KIR3DL1: variants seen among roughly 807,000 people sequenced by gnomAD.
KIR3DL1 encodes the protein killer cell immunoglobulin-like receptor 3DL1.
A neutral mutation model predicts 40.3 loss-of-function variants in KIR3DL1; 50 were observed. The observed-to-expected ratio is 1.24, with a 90% CI of 0.99 to 1.57. KIR3DL1 has a LOEUF of 1.57. KIR3DL1 is among the 40% of genes most tolerant of loss of function. The probability of loss-of-function intolerance (pLI) is 0.00; values close to 1 mark genes in which losing one functional copy is unlikely to be tolerated. For missense variants in KIR3DL1, 661 were observed against 559.9 expected (o/e 1.18, Z -1.82); for synonymous variants, 257 against 207.2 (o/e 1.24, Z -2.07).
At position 54,827,698 on chromosome 19, in the gene KIR3DL1, A is replaced by G. The variant is rs574983214; in HGVS notation, c.1001-1663A>G. Among the ~76,000 whole-genome samples the G allele has an allele frequency of 2.5e-4, 38 of 150,694 alleles. 1 individual carries two copies. The highest frequency in any genetic ancestry group is 8.6e-4 in the African/African-American group (35 of 40,492). On this transcript the variant is annotated intron_variant, in intron 6 of 8. Transcript: ENST00000391728. ...CCTGAATTCCCATCATCATTTTTCTATTTCTCTATAATTACTTCTTTGATC... is the reference window on the plus strand; with the variant it reads ...CCTGAATTCCCATCATCATTTTTCTGTTTCTCTATAATTACTTCTTTGATC...
intron 3 of KIR3DL1, 133 bp downstream of exon 3, chr19:54,818,732 G>C (rs72626297): frequency 0.21 from 244,184 of 1,157,812 alleles, 26,873 homozygotes; most frequent in South Asian, 0.3. Flanking sequence ...GAATACAGGG[G>C]AAATGGGTGC....
Position 54,819,898 on chromosome 19 carries a change from T to C in KIR3DL1, c.541T>C (p.Ser181Pro). Residue 181 changes from serine (S) to proline (P), a missense_variant, in exon 4 of 9, where the codon TCC becomes CCC. By Grantham distance (74) the Ser-to-Pro change is moderately conservative. This residue lies in a region of KIR3DL1 where 548 missense variants were observed against 413.3 expected (regional missense o/e 1.33). Coordinates refer to ENST00000391728, the Ensembl canonical transcript of KIR3DL1. ...TGATGGGGTCTCCAAGGCCAATTTC[T>C]CCATCGGTCCCATGATGCTTGCCCT... The C allele has an allele frequency of 2.5e-6, 4 of 1,612,184 alleles. 1 individual carries two copies. Among genetic ancestry groups the C allele is most frequent in the Non-Finnish European group, 3.4e-6 (4 of 1,179,516 alleles).
intron 1 of KIR3DL1, 137 bp downstream of exon 1, chr19:54,816,671 G>A: frequency 7.2e-7 from 1 of 1,383,362 alleles, no homozygotes; most frequent in East Asian, 2.5e-5. Flanking sequence ...TGGGCCTGGA[G>A]TGGAGATCTG....
chr19:54,823,449 T>A (rs2061735510), intron 5 of KIR3DL1, among the ~76,000 whole-genome samples: 1 of 148,272 alleles, frequency 6.7e-6, no homozygotes. Context: ...TTGCCAGCAT[T>A]TGTTTTGCCT....
intron 1 of KIR3DL1, 78 bp downstream of exon 1, chr19:54,816,612 G>T (rs1422691479): frequency 6.5e-7 from 1 of 1,534,686 alleles, no homozygotes; most frequent in Admixed American, 1.7e-5. Context: ...TGGGCCTAGA[G>T]GTGGAGTTAT....
chr19:54,818,526 A>G, exon 3 of KIR3DL1: 1 of 1,611,484 alleles, frequency 6.2e-7, no homozygotes, highest in Non-Finnish European at 8.5e-7. Context: ...GGAACTACAC[A>G]TGTCGGGGTT....
At chr19:54,816,567 G>T (rs2061336845) in intron 1 of KIR3DL1, 33 bp downstream of exon 1, 1 of 1,607,940 alleles carries the variant, frequency 6.2e-7, no homozygotes, top group South Asian at 1.1e-5. Context: ...GGGAGGGAGT[G>T]CGGGGATGGA....
intron 7 of KIR3DL1, among the ~76,000 whole-genome samples, 186 bp from the exon 8 acceptor site, chr19:54,829,742 G>A (rs906089688): frequency 2.8e-5 from 4 of 141,128 alleles, no homozygotes; most frequent in African/African-American, 7.6e-5. Flanking sequence ...GAATCAATGG[G>A]ATGGGAACTC....
At chr19:54,828,369 T>A in intron 6 of KIR3DL1, among the ~76,000 whole-genome samples, 1 of 151,422 alleles carries the variant, frequency 6.6e-6, no homozygotes, top group South Asian at 2.1e-4. Flanking sequence ...CCTCCTGGAC[T>A]GCACCTGGGC....
At chr19:54,828,196 TA>T (rs1429496931) in intron 6 of KIR3DL1, among the ~76,000 whole-genome samples, 1 of 151,118 alleles carries the variant, frequency 6.6e-6, no homozygotes, top group African/African-American at 2.5e-5. Flanking sequence ...CTGTTTGACA[TA>T]AGAGAATTCT....
chr19:54,824,873 C>T (rs1411859534), intron 5 of KIR3DL1, among the ~76,000 whole-genome samples, 155 bp from the exon 6 acceptor site: 2 of 150,282 alleles, frequency 1.3e-5, no homozygotes, highest in Non-Finnish European at 2.9e-5. Flanking sequence ...AGACAGTGGG[C>T]ATCGCACACA....
At position 54,819,773 on chromosome 19, in the gene KIR3DL1, G is replaced by A. The variant is rs2273730; in HGVS notation, c.416G>A (p.Arg139Lys). ...GGTCCCCTGGTGAAATCAGGAGAGAGAGTCATCCTGCAATGTTGGTCAGAT... is the reference window on the plus strand; with the variant it reads ...GGTCCCCTGGTGAAATCAGGAGAGAAAGTCATCCTGCAATGTTGGTCAGAT... Residue 139 changes from arginine (R) to lysine (K), a missense_variant, in exon 4 of 9, where the codon AGA (arginine) becomes AAA (lysine). Arg to Lys is a conservative substitution (Grantham distance 26, BLOSUM62 2). Around this residue, in one of 3 missense-constraint regions of KIR3DL1, gnomAD observed 548 missense variants for 413.3 expected, o/e 1.33. Transcript: ENST00000391728. 4.3e-6 allele frequency: 7 copies of A among 1,610,820 alleles called. No homozygotes were observed. The African/African-American group carries it at 6.7e-5, about 15-fold the overall frequency.
At chr19:54,817,274 T>G (rs1206064678) in intron 1 of KIR3DL1, among the ~76,000 whole-genome samples, 11 of 143,878 alleles carry the variant, frequency 7.6e-5, no homozygotes, top group Non-Finnish European at 1.5e-4. Context: ...AGAGGAGATA[T>G]GGGCCTGGAG....
chr19:54,821,487 G>C (rs2061630667), intron 4 of KIR3DL1, 78 bp from the exon 5 acceptor site: 1 of 1,483,820 alleles, frequency 6.7e-7, no homozygotes, highest in Non-Finnish European at 9.2e-7. Context: ...GAGCAGGGGA[G>C]TGAGTTCTCA....
intron 6 of KIR3DL1, 86 bp downstream of exon 6, chr19:54,825,164 G>C: frequency 1.1e-6 from 1 of 886,408 alleles, no homozygotes; most frequent in Admixed American, 1.8e-5. Flanking sequence ...AAACCTCCCA[G>C]CTCTGTGAAT....
At chr19:54,818,195 C>G in intron 2 of KIR3DL1, 120 bp from the exon 3 acceptor site, 1 of 1,086,456 alleles carries the variant, frequency 9.2e-7, no homozygotes, top group Non-Finnish European at 1.3e-6. Context: ...TCCTGTAGCC[C>G]TGGGCACCCA....
In KIR3DL1 at chr19:54,826,138, G is replaced by A. The variant is rs1367044975; in HGVS notation, c.1000+1060G>A. Among the ~76,000 whole-genome samples the A allele has an allele frequency of 5.3e-5, 8 of 150,616 alleles. No individual in the cohort carries two copies. The South Asian group carries it at 1.1e-3, about 20-fold the overall frequency. ...ATGGAGGCCAGGACAGGGACATTTT[G>A]GGGTGGGACAGCATTCTCCTGCCTT... On this transcript the variant is annotated intron_variant, in intron 6 of 8. Coordinates refer to ENST00000391728, the Ensembl canonical transcript of KIR3DL1.
At chr19:54,817,502 G>C (rs2061409809) in intron 1 of KIR3DL1, 32 bp from the exon 2 acceptor site, 6 of 1,484,630 alleles carry the variant, frequency 4.0e-6, no homozygotes, top group South Asian at 3.4e-5. Flanking sequence ...TTTGCCTGCA[G>C]AGGGATGGTC....
chr19:54,823,477 A>T (rs1233809292), intron 5 of KIR3DL1, among the ~76,000 whole-genome samples: 7 of 150,882 alleles, frequency 4.6e-5, no homozygotes, highest in African/African-American at 1.7e-4. Flanking sequence ...AGTAAAAGCC[A>T]TTTTACTTTA....
Sources: allele counts gnomAD v4.1 joint callset (sites outside exome capture counted in the v4.1 genomes callset), GRCh38; gene constraint gnomAD v4.1.1; regional missense constraint gnomAD v4.1.1; transcripts MANE v1.5; gene names NCBI Gene and HGNC (gene_info 2026-07-23, HGNC 2026-07-21).